CCSER1: variants seen among roughly 807,000 people sequenced by gnomAD.
The protein encoded by CCSER1 is serine-rich coiled-coil domain-containing protein 1.
CCSER1 carries 41 observed loss-of-function variants against 82.0 expected under a neutral mutation model. That is an observed-to-expected ratio of 0.50 (90% CI 0.39 to 0.65). The LOEUF (loss-of-function observed/expected upper bound fraction) is 0.65. Ranked by LOEUF, CCSER1 falls within the 30% of genes least tolerant of loss-of-function variation. The pLI, the probability that CCSER1 is intolerant of heterozygous loss-of-function variation, is 0.00. For missense variants in CCSER1, 1,119 were observed against 1,064.2 expected (o/e 1.05, Z -0.72); for synonymous variants, 414 against 383.9 (o/e 1.08, Z -0.92).
chr4:91,014,955 T>C (rs1336470689), intron 9 of CCSER1, among the ~76,000 whole-genome samples: 2 of 95,230 alleles, frequency 2.1e-5, no homozygotes, highest in African/African-American at 5.6e-5. Flanking sequence ...ACAGTGGAAA[T>C]TGTGCAGATA....
chr4:90,649,158 T>G (rs892394122), intron 6 of CCSER1, among the ~76,000 whole-genome samples: 29 of 152,174 alleles, frequency 1.9e-4, no homozygotes, highest in African/African-American at 7.0e-4. Flanking sequence ...GAAATTAATT[T>G]GTGGGTTAAT....
chr4:90,875,790 G>A (rs1385611131), intron 8 of CCSER1, among the ~76,000 whole-genome samples: 1 of 152,136 alleles, frequency 6.6e-6, no homozygotes, highest in Non-Finnish European at 1.5e-5. Flanking sequence ...AAGAGCGAAG[G>A]TCAATGCACA....
intron 8 of CCSER1, among the ~76,000 whole-genome samples, chr4:90,921,807 A>T (rs1301761914): frequency 1.3e-5 from 2 of 152,176 alleles, no homozygotes; most frequent in East Asian, 1.9e-4. Context: ...TTTACTTTTC[A>T]TGTACTTATG....
At chr4:91,389,528 T>G (rs1045725108) in intron 10 of CCSER1, among the ~76,000 whole-genome samples, 1 of 151,746 alleles carries the variant, frequency 6.6e-6, no homozygotes, top group Non-Finnish European at 1.5e-5. Context: ...TCTAACTTTG[T>G]TTTTTTTCCC....
At position 90,885,748 on chromosome 4, in the gene CCSER1, A is replaced by G. The variant is rs1272045017; in HGVS notation, c.2095-37622A>G. Reference sequence around the variant, plus strand: ...TTGAGTGACAGAAAGTCTCTTAATGAAATGCTGAATTTATCAGATACATAA... The same window carrying G: ...TTGAGTGACAGAAAGTCTCTTAATGGAATGCTGAATTTATCAGATACATAA... On this transcript the variant is annotated intron_variant, in intron 8 of 10. Coordinates refer to ENST00000509176, the MANE Select transcript of CCSER1 (RefSeq NM_001145065.2). 2.0e-5 allele frequency among the ~76,000 whole-genome samples: 3 copies of G among 152,178 alleles called. No individual in the cohort carries two copies. The East Asian group carries it at 5.8e-4, about 29-fold the overall frequency.
intron 10 of CCSER1, among the ~76,000 whole-genome samples, chr4:91,446,793 A>G (rs1399848883): frequency 6.6e-6 from 1 of 151,182 alleles, no homozygotes; most frequent in East Asian, 1.9e-4. Flanking sequence ...TGTATAAAAT[A>G]TTTTCTTATT....
At chr4:90,849,884 A>G (rs1488843997) in intron 8 of CCSER1, among the ~76,000 whole-genome samples, 1 of 152,078 alleles carries the variant, frequency 6.6e-6, no homozygotes, top group Non-Finnish European at 1.5e-5. Context: ...GTTAATCACC[A>G]AGACAGTGGG....
chr4:90,269,758 TA>T (rs1270596816), intron 1 of CCSER1, among the ~76,000 whole-genome samples: 5 of 149,772 alleles, frequency 3.3e-5, no homozygotes, highest in Non-Finnish European at 7.4e-5. Flanking sequence ...GTAAAAAGAT[TA>T]AAAAAAAACC....
intron 3 of CCSER1, among the ~76,000 whole-genome samples, chr4:90,394,825 T>A (rs1751729304): frequency 6.6e-6 from 1 of 152,188 alleles, no homozygotes; most frequent in South Asian, 2.1e-4. Flanking sequence ...TTTTATGGAT[T>A]CATGGTGTAC....
chr4:91,075,525 A>T (rs1337342668), intron 9 of CCSER1, among the ~76,000 whole-genome samples: 1 of 152,194 alleles, frequency 6.6e-6, no homozygotes, highest in Non-Finnish European at 1.5e-5. Context: ...TTATATTAAT[A>T]TTAAGAATCA....
rs191545088 is a variant in CCSER1, at chr4:91,125,483, G to A, written c.2217+39489G>A. The stretch of plus-strand genomic sequence containing the variant: ...AGTATATGAACATTCATGTTTATAA[G>A]GCAGATTAATTAAGATGTGTTTGCT... On this transcript the variant is annotated intron_variant, in intron 10 of 10. Transcript: ENST00000509176. 2.6e-3 allele frequency among the ~76,000 whole-genome samples: 387 copies of A among 151,732 alleles called. 1 individual carries two copies. The highest frequency in any genetic ancestry group is 6.8e-3 in the Middle Eastern group (2 of 292).
At chr4:91,079,040 G>A (rs12502317) in intron 9 of CCSER1, among the ~76,000 whole-genome samples, 7 of 152,074 alleles carry the variant, frequency 4.6e-5, no homozygotes, top group South Asian at 4.1e-4. Context: ...CCAACATAGC[G>A]AGGCAGGCCA....
intron 5 of CCSER1, among the ~76,000 whole-genome samples, chr4:90,481,035 G>T (rs1160321188): frequency 6.6e-6 from 1 of 152,118 alleles, no homozygotes; most frequent in Non-Finnish European, 1.5e-5. Flanking sequence ...CCATTTGTTT[G>T]TGTCCTCTTT....
chr4:90,388,280 T>C (rs745602329), intron 3 of CCSER1, among the ~76,000 whole-genome samples: 3 of 151,838 alleles, frequency 2.0e-5, no homozygotes, highest in Non-Finnish European at 4.4e-5. Flanking sequence ...ACATAGTAAG[T>C]ATCACTTGAG....
At chr4:91,493,235 C>A (rs13101386) in intron 10 of CCSER1, among the ~76,000 whole-genome samples, 18,575 of 150,442 alleles carry the variant, frequency 0.12, 1,448 homozygotes, top group African/African-American at 0.21. Flanking sequence ...TATTCTCTCT[C>A]TATATATATT....
At chr4:90,910,753 A>C (rs1726208260) in intron 8 of CCSER1, among the ~76,000 whole-genome samples, 1 of 152,134 alleles carries the variant, frequency 6.6e-6, no homozygotes, top group Non-Finnish European at 1.5e-5. Flanking sequence ...CCATTTTTTA[A>C]ACATACAAAC....
At chr4:90,532,117 T>G (rs1437107525) in intron 5 of CCSER1, among the ~76,000 whole-genome samples, 1 of 152,180 alleles carries the variant, frequency 6.6e-6, no homozygotes, top group Admixed American at 6.5e-5. Flanking sequence ...AGTATCTTTA[T>G]AAATCAAAAG....
intron 3 of CCSER1, among the ~76,000 whole-genome samples, chr4:90,350,180 G>T (rs17016857): frequency 5.3e-5 from 8 of 152,180 alleles, no homozygotes; most frequent in Admixed American, 1.3e-4. Context: ...ATTCTGCAAG[G>T]TAGAGGGACT....
intron 10 of CCSER1, among the ~76,000 whole-genome samples, chr4:91,521,116 T>C (rs1039233420): frequency 4.6e-5 from 7 of 152,312 alleles, no homozygotes; most frequent in African/African-American, 7.2e-5. Flanking sequence ...TTCCCACTTA[T>C]GAGTGAGAAC....
Sources: gnomAD v4.1 joint callset for allele counts (sites outside exome capture counted in the v4.1 genomes callset) on GRCh38, gnomAD v4.1.1 for gene constraint, MANE v1.5 for transcripts, NCBI Gene and HGNC (gene_info 2026-07-23, HGNC 2026-07-21) for gene names.